Variants in ETV1 observed in about 807,000 individuals in gnomAD.
ETV1 encodes ETS translocation variant 1.
Under a neutral mutation model 62.3 loss-of-function variants are expected in ETV1, and 27 were observed. The observed-to-expected ratio is 0.43, with a 90% confidence interval of 0.32 to 0.60. The LOEUF (loss-of-function observed/expected upper bound fraction) is 0.60. ETV1 is among the 20% of genes least tolerant of loss of function. The pLI is 0.06. For missense variants in ETV1, 605 were observed against 605.8 expected, an observed-to-expected ratio of 1.00 and a Z score of 0.01; for synonymous variants, 222 against 199.6, an observed-to-expected ratio of 1.11 and a Z score of -0.94.
In ETV1 at chr7:13,895,785, T is replaced by C. The variant is rs1781709387; in HGVS notation, c.*81A>G. The C allele has an allele frequency of 2.2e-6, 2 of 921,336 alleles. No individual in the cohort carries two copies. Among genetic ancestry groups the C allele is most frequent in the Non-Finnish European group, 3.4e-6 (2 of 594,786 alleles). 57.1% of individuals were successfully genotyped at this position (921,336 alleles called of 1,614,324 possible). ...AAAAATAAAATACAAACAACAGAAA[T>C]AAAACAAAGATTCAGCAATTCTCTG... On this transcript the variant is annotated 3_prime_UTR_variant, in exon 14 of 14. Coordinates refer to ENST00000430479, the MANE Select transcript of ETV1 (RefSeq NM_004956.5).
intron 3 of ETV1, chr7:13,988,604 A>T: frequency 8.2e-7 from 1 of 1,218,194 alleles, no homozygotes; most frequent in South Asian, 1.9e-5. Flanking sequence ...TGAAAAAAAA[A>T]AAAAAGAGAA....
chr7:13,969,340 GC>G (rs1217546021), intron 6 of ETV1, among the ~76,000 whole-genome samples: 1 of 151,988 alleles, frequency 6.6e-6, no homozygotes, highest in Admixed American at 6.6e-5. Context: ...TATAGCCTTC[GC>G]TTTTTGATTC....
Position 13,931,570 on chromosome 7 carries a change from G to T in ETV1, c.734C>A (p.Ala245Glu), listed in dbSNP as rs777866452. The T allele has an allele frequency of 6.2e-7, 1 of 1,614,044 alleles. No individual in the cohort carries two copies. Among genetic ancestry groups the T allele is most frequent in the Non-Finnish European group, 8.5e-7 (1 of 1,179,888 alleles). The change falls in exon 9 of 14, where the codon GCG (alanine) becomes GAG (glutamate). Residue 245 changes from alanine to glutamate, a missense_variant. Transcript: ENST00000430479. ...VYEHNTMVGSAASQSFPPPLM... is the reference protein window; with the variant it reads ...VYEHNTMVGSEASQSFPPPLM... ...AGGAGGGGGAAAGCTTTGGCTGGCCGCACTGCCAACCATGGTGTTGTGTTC... is the reference window on the plus strand; with the variant it reads ...AGGAGGGGGAAAGCTTTGGCTGGCCTCACTGCCAACCATGGTGTTGTGTTC...
intron 9 of ETV1, among the ~76,000 whole-genome samples, chr7:13,918,397 T>C (rs904730769): frequency 1.3e-5 from 2 of 152,224 alleles, no homozygotes; most frequent in Non-Finnish European, 2.9e-5. Flanking sequence ...TGTTGTTTCC[T>C]ATAAATCATG....
At chr7:13,956,035 A>G (rs1475383203) in intron 6 of ETV1, among the ~76,000 whole-genome samples, 3 of 152,198 alleles carry the variant, frequency 2.0e-5, no homozygotes, top group Non-Finnish European at 1.5e-5. Flanking sequence ...TCTGATTTCA[A>G]TACCAATACC....
chr7:13,987,015 A>G (rs534620154), intron 4 of ETV1: 70 of 236,374 alleles, frequency 3.0e-4, no homozygotes, highest in Middle Eastern at 1.5e-3. Context: ...CTGTTCACTG[A>G]AATCTTCCTT....
chr7:13,970,325 C>T (rs921342426), intron 6 of ETV1, among the ~76,000 whole-genome samples: 1 of 126,560 alleles, frequency 7.9e-6, no homozygotes, highest in Non-Finnish European at 1.7e-5. Context: ...CACACACACA[C>T]AAAGCAGCAA....
rs564181447 is a variant in ETV1 at position 13,936,868 on chromosome 7, C to A, written c.366-972G>T. On this transcript the variant is annotated intron_variant, in intron 7 of 13. Coordinates refer to ENST00000430479, the MANE Select transcript of ETV1 (RefSeq NM_004956.5). ...CCAGCCTGAGCAACATGGTGAAACCCCGTCTCTACTAAAAATACAAAAAAT... is the reference window on the plus strand; with the variant it reads ...CCAGCCTGAGCAACATGGTGAAACCACGTCTCTACTAAAAATACAAAAAAT... Among the ~76,000 whole-genome samples, 108 of 152,008 alleles carry A rather than the reference C, an allele frequency of 7.1e-4. 1 individual carries two copies. The highest frequency in any genetic ancestry group is 3.4e-3 in the Middle Eastern group (1 of 294).
At position 13,893,488 on chromosome 7, in the gene ETV1, A is replaced by T; in HGVS notation, c.*2378T>A. 4.3e-6 allele frequency: 1 copy of T among 231,494 alleles called. No individual in the cohort carries two copies. The highest frequency in any genetic ancestry group is 8.5e-6 in the Non-Finnish European group (1 of 117,030). 14.3% of individuals were successfully genotyped at this position (231,494 alleles called of 1,614,324 possible). The stretch of plus-strand genomic sequence containing the variant: ...AGTCACTACGTTAAAACAGCAAAAC[A>T]TATAGTTTGTCCTTAAATATTATAT... On this transcript the variant is annotated 3_prime_UTR_variant, in exon 14 of 14. Transcript: ENST00000430479.
chr7:13,973,581 G>C (rs1344046359), intron 6 of ETV1, among the ~76,000 whole-genome samples: 1 of 151,666 alleles, frequency 6.6e-6, no homozygotes, highest in Non-Finnish European at 1.5e-5. Context: ...AAATTAGCTG[G>C]TTATTATGAT....
At chr7:13,951,535 T>C (rs1049704173) in intron 6 of ETV1, among the ~76,000 whole-genome samples, 2 of 152,166 alleles carry the variant, frequency 1.3e-5, no homozygotes, top group African/African-American at 4.8e-5. Context: ...TTGTTGGTGT[T>C]ATTATTCAAA....
intron 5 of ETV1, chr7:13,986,253 C>A (rs559142802): frequency 1.3e-6 from 2 of 1,534,582 alleles, no homozygotes; most frequent in Non-Finnish European, 1.7e-6. Context: ...TAATGATATG[C>A]GCTGCTCTAA....
chr7:13,965,503 G>A (rs1009270290), intron 6 of ETV1, among the ~76,000 whole-genome samples: 5 of 151,916 alleles, frequency 3.3e-5, no homozygotes, highest in African/African-American at 1.2e-4. Context: ...CGTGTAGTCT[G>A]AGTATTGGCT....
chr7:13,984,886 C>A (rs1782386407), intron 5 of ETV1, among the ~76,000 whole-genome samples: 1 of 149,830 alleles, frequency 6.7e-6, no homozygotes, highest in African/African-American at 2.5e-5. Flanking sequence ...TTATTGCAAT[C>A]ACTTATCTGA....
At chr7:13,979,686 A>G (rs1781797028) in intron 5 of ETV1, among the ~76,000 whole-genome samples, 1 of 152,170 alleles carries the variant, frequency 6.6e-6, no homozygotes, top group South Asian at 2.1e-4. Flanking sequence ...TATATCAACC[A>G]CAACAATTAC....
At chr7:13,945,054 G>A (rs958817667) in intron 6 of ETV1, among the ~76,000 whole-genome samples, 6 of 152,002 alleles carry the variant, frequency 3.9e-5, no homozygotes, top group South Asian at 2.1e-4. Context: ...TGGATTTCCA[G>A]CCTCCAGAAC....
At position 13,982,278 on chromosome 7, in the gene ETV1, A is replaced by G. The variant is rs548625790; in HGVS notation, c.181+4360T>C. Among the ~76,000 whole-genome samples the G allele has an allele frequency of 3.4e-4, 52 of 152,126 alleles. No individual in the cohort carries two copies. The East Asian group carries it at 9.6e-3, about 28-fold the overall frequency. On this transcript the variant is annotated intron_variant, in intron 5 of 13. Coordinates refer to ENST00000430479, the MANE Select transcript of ETV1 (RefSeq NM_004956.5). ...TCTGACTCTATTATTATTTTTTATT[A>G]TAACATTATACACAAATCAAAGGGA...
At position 13,915,939 on chromosome 7, in the gene ETV1, T is replaced by TA. The variant is rs559301939; in HGVS notation, c.803-4633dup. Reference sequence around the variant, plus strand: ...CTCAATGTGAATATAACATCTTAGTTACTAAACTTGATGTGAATGTAACAT... The same window carrying TA: ...CTCAATGTGAATATAACATCTTAGTTAACTAAACTTGATGTGAATGTAACAT... On this transcript the variant is annotated intron_variant, in intron 9 of 13. Transcript: ENST00000430479. Among the ~76,000 whole-genome samples, 182 of 152,352 alleles carry TA rather than the reference T, an allele frequency of 1.2e-3. 1 individual carries two copies. Among genetic ancestry groups the TA allele is most frequent in the African/African-American group, 4.2e-3 (175 of 41,588 alleles).
Position 13,978,952 on chromosome 7 carries a change from C to A in ETV1, c.182-1472G>T, listed in dbSNP as rs542622984. Among the ~76,000 whole-genome samples the A allele has an allele frequency of 3.9e-5, 6 of 152,098 alleles. No individual in the cohort carries two copies. In the South Asian group the frequency reaches 1.2e-3, roughly 32 times the overall value. On this transcript the variant is annotated intron_variant, in intron 5 of 13. Transcript: ENST00000430479. ...AACCTTATTACCAATGCACTCTACC[C>A]CCGCTACCAAACAAAATCAAACAAA...
Sources: gnomAD v4.1 joint callset for allele counts (sites outside exome capture counted in the v4.1 genomes callset) on GRCh38, gnomAD v4.1.1 for gene constraint, MANE v1.5 for transcripts, NCBI Gene and HGNC (gene_info 2026-07-23, HGNC 2026-07-21) for gene names.